CPA1: variants seen among roughly 807,000 people sequenced by gnomAD.
CPA1 encodes carboxypeptidase A1 (pancreatic).
In CPA1, 42 loss-of-function variants were observed where a neutral mutation model predicts 48.7. The observed-to-expected ratio is 0.86, with a 90% CI of 0.67 to 1.11. CPA1 has a LOEUF of 1.11. Among genes scored for constraint, CPA1 ranks in the 50% most tolerant of loss-of-function variants. The pLI, the probability that CPA1 is intolerant of heterozygous loss-of-function variation, is 0.00. For synonymous variants in CPA1, 203 were observed against 217.9 expected (o/e 0.93, Z 0.60); for missense variants, 477 against 544.7 (o/e 0.88, Z 1.24).
chr7:130,385,440 TC>T lies in CPA1; in HGVS notation c.987+97del, dbSNP rs1179567333. The T allele has an allele frequency of 1.7e-5, 19 of 1,128,030 alleles. No homozygotes were observed. The African/African-American group carries it at 1.8e-4, about 11-fold the overall frequency. 69.9% of individuals were successfully genotyped at this position (1,128,030 alleles called of 1,614,324 possible). A position where few individuals can be genotyped will look rare whatever the true frequency, so the allele number is the denominator to read the frequency against. On this transcript the variant is annotated intron_variant, in intron 8 of 9. Transcript: ENST00000011292. ...CAGACCTGCTTAAGGCACAGACACC[TC>T]CAGAGTACCTGACACCCTTCCTTCC...
chr7:130,385,011 T>C (rs1352000346), intron 7 of CPA1, 135 bp from the exon 8 acceptor site: 47 of 873,952 alleles, frequency 5.4e-5, no homozygotes, highest in Non-Finnish European at 6.2e-5. Context: ...TAGAAGGCCT[T>C]TGGGCTTTCC....
chr7:130,383,182 G>T (rs1554411456), intron 4 of CPA1, among the ~76,000 whole-genome samples: 1 of 152,192 alleles, frequency 6.6e-6, no homozygotes, highest in Admixed American at 6.5e-5. Flanking sequence ...CCCCAAGCTT[G>T]GGCTGAGGGC....
At chr7:130,382,043 G>A (rs771824676) in intron 3 of CPA1, 65 bp from the exon 4 acceptor site, 1 of 1,397,936 alleles carries the variant, frequency 7.2e-7, no homozygotes, top group Non-Finnish European at 1.0e-6. Context: ...CGGTGGGGCT[G>A]CTAAGGGAAG....
At chr7:130,381,026 T>G in intron 1 of CPA1, 72 bp from the exon 2 acceptor site, 1 of 1,262,812 alleles carries the variant, frequency 7.9e-7, no homozygotes, top group Non-Finnish European at 1.1e-6. Context: ...GCCTCCCTCC[T>G]GCACCTGGGG....
rs1158485714 is a variant in CPA1 at position 130,380,601 on chromosome 7, G to T, written c.65+16G>T. The T allele has an allele frequency of 3.1e-6, 4 of 1,293,496 alleles. No homozygotes were observed. The highest frequency in any genetic ancestry group is 3.0e-5 in the African/African-American group (2 of 65,988). 80.1% of individuals were successfully genotyped at this position (1,293,496 alleles called of 1,614,324 possible). A position where few individuals can be genotyped will look rare whatever the true frequency, so the allele number is the denominator to read the frequency against. ...ACTTTGTGGGGTAGGGATGTGGAGA[G>T]GAGGGGGTGCCCTCTGAGGGTGATG... is the stretch of plus-strand genomic sequence containing the variant. On this transcript the variant is annotated intron_variant, in intron 1 of 9. Coordinates refer to ENST00000011292, the MANE Select transcript of CPA1 (RefSeq NM_001868.4).
chr7:130,382,040 G>C, intron 3 of CPA1, 68 bp from the exon 4 acceptor site: 2 of 1,364,204 alleles, frequency 1.5e-6, no homozygotes, highest in Non-Finnish European at 2.1e-6. Context: ...GGACGGTGGG[G>C]CTGCTAAGGG....
At position 130,387,717 on chromosome 7, in the gene CPA1, C is replaced by A; in HGVS notation, c.1073-107C>A. 1 of 999,494 alleles carries A rather than the reference C, an allele frequency of 1.0e-6. No homozygotes were observed. Among genetic ancestry groups the A allele is most frequent in the Non-Finnish European group, 1.5e-6 (1 of 656,608 alleles). The allele number at this position is 999,494 out of a possible 1,614,324, so 61.9% of individuals were successfully genotyped here. A position where few individuals can be genotyped will look rare whatever the true frequency, so the allele number is the denominator to read the frequency against. Reference sequence around the variant, plus strand: ...CTTAGTAGACACTGACTCCACTCAGCATTGCACAAGGCACAGAGCTTTGGA... The same window carrying A: ...CTTAGTAGACACTGACTCCACTCAGAATTGCACAAGGCACAGAGCTTTGGA... On this transcript the variant is annotated intron_variant, in intron 9 of 9. Transcript: ENST00000011292. This position sits in a 1 kb window ranked among gnomAD's most constrained non-coding sequence, Gnocchi z 4.6.
At chr7:130,381,998 C>T in intron 3 of CPA1, 110 bp from the exon 4 acceptor site, 1 of 1,196,332 alleles carries the variant, frequency 8.4e-7, no homozygotes, top group South Asian at 1.4e-5. Context: ...CCTGTGTGGT[C>T]GTAGCTCCAT....
intron 1 of CPA1, 57 bp downstream of exon 1, chr7:130,380,642 C>A: frequency 1.0e-6 from 1 of 1,002,602 alleles, no homozygotes. Context: ...GACTCAGCCC[C>A]CAACCAGTAG....
intron 9 of CPA1, 60 bp downstream of exon 9, chr7:130,385,983 G>A: frequency 6.9e-7 from 1 of 1,438,894 alleles, no homozygotes; most frequent in Non-Finnish European, 9.7e-7. Flanking sequence ...GGCTCTTCCT[G>A]ACCGAGGGAG....
chr7:130,383,455 G>C lies in CPA1; in HGVS notation c.548G>C (p.Trp183Ser). The C allele has an allele frequency of 1.2e-6, 2 of 1,614,186 alleles. No individual in the cohort carries two copies. Among genetic ancestry groups the C allele is most frequent in the South Asian group, 2.2e-5 (2 of 91,064 alleles). ...GACACGGGCATCCATTCCCGGGAGT[G>C]GGTCACCCAGGCCAGTGGGGTCTGG... is the stretch of plus-strand genomic sequence containing the variant. ...WIDTGIHSRE[W>S]VTQASGVWFA... Residue 183 changes from tryptophan to serine, a missense_variant, in exon 5 of 10, where the codon TGG becomes TCG. Trp to Ser is a radical substitution (Grantham distance 177, BLOSUM62 -3). Coordinates refer to ENST00000011292, the MANE Select transcript of CPA1 (RefSeq NM_001868.4).
intron 6 of CPA1, 193 bp downstream of exon 6, chr7:130,383,987 C>G: frequency 1.6e-6 from 1 of 606,580 alleles, no homozygotes; most frequent in Non-Finnish European, 3.0e-6. Flanking sequence ...TGGGGGCTGT[C>G]CTGTGCATCC....
intron 1 of CPA1, 178 bp from the exon 2 acceptor site, chr7:130,380,920 A>C: frequency 1.6e-6 from 1 of 622,566 alleles, no homozygotes; most frequent in South Asian, 1.9e-5. Flanking sequence ...GGGAGAGAAG[A>C]GGTGAGGGAG....
chr7:130,382,857 A>G (rs896684054), intron 4 of CPA1, among the ~76,000 whole-genome samples: 8 of 151,394 alleles, frequency 5.3e-5, no homozygotes, highest in Admixed American at 5.3e-4. Context: ...ATTAGCCAGG[A>G]TGGTCTCGAT....
At position 130,382,193 on chromosome 7, in the gene CPA1, C is replaced by G. The variant is rs1224185529; in HGVS notation, c.467C>G (p.Pro156Arg). Residue 156 changes from proline (P) to arginine (R), a missense_variant, in exon 4 of 10, where the codon CCC becomes CGC. Transcript: ENST00000011292. ...IQIGNTYEGR[P>R]IYVLKFSTGG... is the part of the protein sequence containing the mutation. ...ATTGGCAACACCTATGAAGGGCGTCCCATTTACGTGCTGAAGGTAACATCC... is the reference window on the plus strand; with the variant it reads ...ATTGGCAACACCTATGAAGGGCGTCGCATTTACGTGCTGAAGGTAACATCC... The G allele has an allele frequency of 6.2e-7, 1 of 1,613,930 alleles. No individual in the cohort carries two copies. The highest frequency in any genetic ancestry group is 8.5e-7 in the Non-Finnish European group (1 of 1,179,902).
At chr7:130,381,549 C>A in intron 2 of CPA1, 81 bp from the exon 3 acceptor site, 2 of 1,020,730 alleles carry the variant, frequency 2.0e-6, no homozygotes, top group Non-Finnish European at 3.0e-6. Flanking sequence ...ACAGCCCCTC[C>A]CACGCAGGCC....
In CPA1 at chr7:130,387,902, C is replaced by T. The variant is rs782571072; in HGVS notation, c.1151C>T (p.Thr384Ile). 70 of 1,614,096 alleles carry T rather than the reference C, an allele frequency of 4.3e-5. No individual in the cohort carries two copies. The highest frequency in any genetic ancestry group is 5.4e-5 in the Non-Finnish European group (64 of 1,180,042). Reference protein sequence around the residue: ...KYSFTFELRDTGRYGFLLPAS... With the variant: ...KYSFTFELRDIGRYGFLLPAS... ...TCCTTCACCTTCGAGCTCCGGGACA[C>T]TGGGCGCTATGGCTTCCTGCTGCCA... The change falls in exon 10 of 10, where the codon ACT (threonine) becomes ATT (isoleucine). Residue 384 changes from threonine to isoleucine, a missense_variant. By Grantham distance (89) the Thr-to-Ile change is moderately conservative (BLOSUM62 -1). Transcript: ENST00000011292. The surrounding 1 kb of genome is among the most constrained non-coding windows in gnomAD (Gnocchi z 4.6).
At chr7:130,383,913 G>A in intron 6 of CPA1, 119 bp downstream of exon 6, 1 of 771,890 alleles carries the variant, frequency 1.3e-6, no homozygotes, top group Admixed American at 2.0e-5. Flanking sequence ...TCAGACCTGT[G>A]CTCCTAGCCG....
At chr7:130,386,029 G>C in intron 9 of CPA1, 106 bp downstream of exon 9, 1 of 979,816 alleles carries the variant, frequency 1.0e-6, no homozygotes, top group Non-Finnish European at 1.6e-6. Context: ...AGGGCACCCA[G>C]ATCTGTCAAC....
Sources: allele counts gnomAD v4.1 joint callset (sites outside exome capture counted in the v4.1 genomes callset), GRCh38; gene constraint gnomAD v4.1.1; non-coding constraint Gnocchi (gnomAD v3.1); transcripts MANE v1.5; gene names NCBI Gene and HGNC (gene_info 2026-07-23, HGNC 2026-07-21).